The following TPCN2 variants were observed in gnomAD, a reference collection of about 807,000 sequenced individuals.
The protein encoded by TPCN2 is two pore channel protein 2.
A neutral mutation model predicts 111.4 loss-of-function variants in TPCN2; 92 were observed. That is an observed-to-expected ratio of 0.83 (90% CI 0.70 to 0.98). The LOEUF is 0.98. TPCN2 is among the 50% of genes least tolerant of loss of function. The pLI is 0.00. For synonymous variants in TPCN2, 405 were observed against 414.5 expected, an observed-to-expected ratio of 0.98 and a Z score of 0.28; for missense variants, 995 against 980.1, an observed-to-expected ratio of 1.02 and a Z score of -0.20.
At chr11:69,054,871 G>C (rs1047864935) in intron 3 of TPCN2, 74 bp downstream of exon 3, 1 of 1,472,498 alleles carries the variant, frequency 6.8e-7, no homozygotes, top group African/African-American at 1.4e-5. Context: ...CCCACCTGGG[G>C]ATCACCTGGT....
chr11:69,061,971 CG>C (rs1169863551), intron 5 of TPCN2, among the ~76,000 whole-genome samples: 1 of 151,662 alleles, frequency 6.6e-6, no homozygotes, highest in East Asian at 1.9e-4. Flanking sequence ...GTCTGTTTTG[CG>C]TGTCCATAAA....
At chr11:69,056,236 C>T (rs761849112) in intron 4 of TPCN2, among the ~76,000 whole-genome samples, 6 of 152,212 alleles carry the variant, frequency 3.9e-5, no homozygotes, top group Non-Finnish European at 5.9e-5. Context: ...GCTTCCTGGT[C>T]GCGTGGGGCC....
intron 2 of TPCN2, 73 bp downstream of exon 2, chr11:69,054,170 C>A: frequency 7.7e-7 from 1 of 1,297,262 alleles, no homozygotes; most frequent in Non-Finnish European, 1.1e-6. Flanking sequence ...CCTCCAGGGG[C>A]GACTGACTGG....
intron 1 of TPCN2, among the ~76,000 whole-genome samples, chr11:69,053,192 C>T (rs1188028982): frequency 2.0e-5 from 3 of 152,214 alleles, no homozygotes; most frequent in Non-Finnish European, 4.4e-5. Flanking sequence ...GAGCCACTGC[C>T]GCTTTTGCCC....
chr11:69,054,739 CG>C lies in TPCN2; in HGVS notation c.196del (p.Val66TrpfsTer21). On this transcript the variant is annotated frameshift_variant, in exon 3 of 25. Coordinates refer to ENST00000294309, the MANE Select transcript of TPCN2 (RefSeq NM_139075.4). LOFTEE classifies it high-confidence loss of function. ...DAIQYRSINH[R>X]VDASSMWLYR... ...CTTGTAGTACCGCTCCATCAACCACCGGGTGGATGCCAGCTCGATGTGGCTT... is the reference window on the plus strand; with the variant it reads ...CTTGTAGTACCGCTCCATCAACCACCGGTGGATGCCAGCTCGATGTGGCTT... 6.2e-7 allele frequency: 1 copy of C among 1,614,174 alleles called. No homozygotes were observed. Among genetic ancestry groups the C allele is most frequent in the Non-Finnish European group, 8.5e-7 (1 of 1,180,006 alleles).
chr11:69,066,772 G>A (rs1203746657), intron 7 of TPCN2, among the ~76,000 whole-genome samples: 2 of 152,190 alleles, frequency 1.3e-5, no homozygotes, highest in Admixed American at 6.5e-5. Context: ...TCTGGTTTGC[G>A]GGAACCACCC....
At position 69,067,503 on chromosome 11, in the gene TPCN2, C is replaced by G; in HGVS notation, c.727C>G (p.Gln243Glu). Residue 243 changes from glutamine (Q) to glutamate (E), a missense_variant and splice_region_variant, in exon 8 of 25, where the codon CAG (glutamine) becomes GAG (glutamate). Gln to Glu is a conservative substitution (Grantham distance 29). Coordinates refer to ENST00000294309, the MANE Select transcript of TPCN2 (RefSeq NM_139075.4). The part of the protein sequence containing the change: ...FGMLLFAGGK[Q>E]DDGQDRERLT... ...CTGGAGCTGCCGCTTCTGCTCTTAGCAGGATGATGGGCAGGACAGGGAGAG... is the reference window on the plus strand; with the variant it reads ...CTGGAGCTGCCGCTTCTGCTCTTAGGAGGATGATGGGCAGGACAGGGAGAG... 1 of 1,612,998 alleles carries G rather than the reference C, an allele frequency of 6.2e-7. No homozygotes were observed. The highest frequency in any genetic ancestry group is 8.5e-7 in the Non-Finnish European group (1 of 1,179,770).
chr11:69,079,301 G>A, intron 16 of TPCN2: 1 of 466,914 alleles, frequency 2.1e-6, no homozygotes, highest in South Asian at 3.5e-5. Flanking sequence ...TGTAGCCCTG[G>A]CCAGCGACTC....
chr11:69,058,926 C>T (rs1854899508), intron 5 of TPCN2, among the ~76,000 whole-genome samples: 1 of 152,240 alleles, frequency 6.6e-6, no homozygotes. Context: ...ACCAAGAATC[C>T]TTATATGAAA....
rs767010245 is a variant in TPCN2, at chr11:69,086,615, T to G, written c.2085+11T>G. On this transcript the variant is annotated intron_variant, in intron 23 of 24. Coordinates refer to ENST00000294309, the MANE Select transcript of TPCN2 (RefSeq NM_139075.4). ...GCCCTGATTCTGGAGGTATCAGAGA[T>G]CCCCACCCAGGCTGTTCTCCATGGT... 6.2e-7 allele frequency: 1 copy of G among 1,612,612 alleles called. No individual in the cohort carries two copies. Among genetic ancestry groups the G allele is most frequent in the Non-Finnish European group, 8.5e-7 (1 of 1,178,652 alleles).
At chr11:69,072,804 C>T in intron 12 of TPCN2, 96 bp downstream of exon 12, 1 of 1,530,632 alleles carries the variant, frequency 6.5e-7, no homozygotes. Flanking sequence ...GGCTTCAGGT[C>T]ACCTGCAGCA....
chr11:69,057,465 T>G, intron 4 of TPCN2, 113 bp from the exon 5 acceptor site: 2 of 989,988 alleles, frequency 2.0e-6, no homozygotes, highest in Non-Finnish European at 3.2e-6. Context: ...CACACTGTTG[T>G]GGAGGCGCAC....
intron 22 of TPCN2, 67 bp from the exon 23 acceptor site, chr11:69,086,453 AGTG>A: frequency 7.8e-7 from 1 of 1,280,930 alleles, no homozygotes; most frequent in Admixed American, 1.7e-5. Flanking sequence ...GCCACGCAGC[AGTG>A]GTGTTTGTAT....
chr11:69,076,815 C>T lies in TPCN2; in HGVS notation c.1231-1667C>T, dbSNP rs372232326. Reference sequence around the variant, plus strand: ...CTGCCCTCCTGCCATGTCCCTCCACCTGCCCTCCTGCCCTCGTGCCATGTC... The same window carrying T: ...CTGCCCTCCTGCCATGTCCCTCCACTTGCCCTCCTGCCCTCGTGCCATGTC... On this transcript the variant is annotated intron_variant, in intron 13 of 24. Coordinates refer to ENST00000294309, the MANE Select transcript of TPCN2 (RefSeq NM_139075.4). 9.9e-3 allele frequency among the ~76,000 whole-genome samples: 871 copies of T among 88,004 alleles called. 131 individuals are homozygous for T. Among genetic ancestry groups the T allele is most frequent in the South Asian group, 0.013 (25 of 1,868 alleles). 57.7% of individuals were successfully genotyped at this position (88,004 alleles called of 152,430 possible). A position where few individuals can be genotyped will look rare whatever the true frequency, so the allele number is the denominator to read the frequency against.
intron 1 of TPCN2, 88 bp from the exon 2 acceptor site, chr11:69,053,945 G>A: frequency 7.7e-6 from 9 of 1,172,388 alleles, no homozygotes; most frequent in Non-Finnish European, 1.1e-5. Flanking sequence ...AAGAACCACA[G>A]CCGGCATCTT....
At chr11:69,077,977 C>T (rs113657462) in intron 13 of TPCN2, among the ~76,000 whole-genome samples, 5 of 152,302 alleles carry the variant, frequency 3.3e-5, no homozygotes, top group African/African-American at 1.2e-4. Flanking sequence ...CACACACAGA[C>T]GTGTCTCAAG....
At chr11:69,081,328 C>G (rs775824106) in intron 17 of TPCN2, 72 bp from the exon 18 acceptor site, 1 of 1,036,874 alleles carries the variant, frequency 9.6e-7, no homozygotes, top group Non-Finnish European at 1.4e-6. Flanking sequence ...TCCAGGAACC[C>G]GCGCGTTTCC....
At chr11:69,073,888 G>A (rs1855642577) in intron 13 of TPCN2, among the ~76,000 whole-genome samples, 1 of 152,036 alleles carries the variant, frequency 6.6e-6, no homozygotes, top group Non-Finnish European at 1.5e-5. Context: ...CATGGCTGTA[G>A]ACATCGCCTT....
Position 69,067,509 on chromosome 11 carries a change from G to C in TPCN2, c.733G>C (p.Asp245His). Reference sequence around the variant, plus strand: ...CTGCCGCTTCTGCTCTTAGCAGGATGATGGGCAGGACAGGGAGAGGCTGAC... The same window carrying C: ...CTGCCGCTTCTGCTCTTAGCAGGATCATGGGCAGGACAGGGAGAGGCTGAC... ...MLLFAGGKQD[D>H]GQDRERLTYF... Residue 245 changes from aspartate to histidine, a missense_variant, in exon 8 of 25, where the codon GAT becomes CAT. Transcript: ENST00000294309. The C allele has an allele frequency of 6.2e-7, 1 of 1,613,446 alleles. No homozygotes were observed. The highest frequency in any genetic ancestry group is 8.5e-7 in the Non-Finnish European group (1 of 1,179,952).
Sources: allele counts gnomAD v4.1 joint callset (sites outside exome capture counted in the v4.1 genomes callset), GRCh38; gene constraint gnomAD v4.1.1; transcripts MANE v1.5; gene names NCBI Gene and HGNC (gene_info 2026-07-23, HGNC 2026-07-21).